Variants in FAM174B observed in about 807,000 individuals in gnomAD.
The protein encoded by FAM174B is membrane protein FAM174B.
In FAM174B, 12 loss-of-function variants were observed where a neutral mutation model predicts 10.9. The observed-to-expected ratio is 1.10, with a 90% CI of 0.71 to 1.79. The LOEUF is 1.79. Among genes scored for constraint, FAM174B ranks in the 40% most tolerant of loss-of-function variants. The probability of loss-of-function intolerance (pLI) is 0.00; values close to 1 mark genes in which losing one functional copy is unlikely to be tolerated. For synonymous variants in FAM174B, 132 were observed against 115.8 expected, an observed-to-expected ratio of 1.14 and a Z score of -0.90; for missense variants, 266 against 233.3, an observed-to-expected ratio of 1.14 and a Z score of -0.91.
intron 1 of FAM174B, among the ~76,000 whole-genome samples, chr15:92,634,863 C>G (rs1412637840): frequency 6.6e-6 from 1 of 152,184 alleles, no homozygotes; most frequent in Non-Finnish European, 1.5e-5. Context: ...AAAAACACAG[C>G]TTTCCCTCAA....
chr15:92,623,670 C>T (rs56401526), intron 2 of FAM174B, among the ~76,000 whole-genome samples: 12,330 of 152,228 alleles, frequency 0.081, 790 homozygotes, highest in African/African-American at 0.17. Flanking sequence ...CAGCTGACGT[C>T]TCAGTGCAGC....
chr15:92,636,591 G>A (rs554443511), intron 1 of FAM174B, among the ~76,000 whole-genome samples: 60 of 152,250 alleles, frequency 3.9e-4, no homozygotes, highest in African/African-American at 1.2e-3. Context: ...TGAAAGTGCC[G>A]CACAACTACC....
intron 1 of FAM174B, among the ~76,000 whole-genome samples, chr15:92,630,713 T>C (rs1269010506): frequency 2.3e-5 from 3 of 130,672 alleles, no homozygotes; most frequent in Admixed American, 8.2e-5. Flanking sequence ...TATATAATTA[T>C]ATATTTTTTA....
At chr15:92,653,917 T>C (rs2050983737) in intron 1 of FAM174B, among the ~76,000 whole-genome samples, 1 of 152,130 alleles carries the variant, frequency 6.6e-6, no homozygotes, top group Non-Finnish European at 1.5e-5. Context: ...CATGCCTAGG[T>C]AGTGGCCACA....
At chr15:92,625,285 A>C (rs536635135) in intron 2 of FAM174B, among the ~76,000 whole-genome samples, 4 of 152,302 alleles carry the variant, frequency 2.6e-5, no homozygotes, top group African/African-American at 7.2e-5. Flanking sequence ...ACAGGCTCTA[A>C]GTCACAAGAT....
intron 2 of FAM174B, among the ~76,000 whole-genome samples, chr15:92,621,071 TC>T (rs1300014007): frequency 6.6e-6 from 1 of 152,164 alleles, no homozygotes; most frequent in Admixed American, 6.5e-5. Flanking sequence ...GATGTAAACA[TC>T]CTATTTTTAG....
chr15:92,642,798 ATT>A (rs1346504302), intron 1 of FAM174B, among the ~76,000 whole-genome samples: 6 of 152,198 alleles, frequency 3.9e-5, no homozygotes, highest in Non-Finnish European at 7.3e-5. Context: ...ATATCTATCT[ATT>A]GATGAATGGG....
At chr15:92,626,395 C>A (rs946550548) in intron 2 of FAM174B, among the ~76,000 whole-genome samples, 1 of 151,996 alleles carries the variant, frequency 6.6e-6, no homozygotes, top group Non-Finnish European at 1.5e-5. Context: ...CCGCACCCAG[C>A]CAGTTGCTGG....
rs1050283577 is a variant in FAM174B, at chr15:92,618,925, C to T, written c.*531G>A. On this transcript the variant is annotated 3_prime_UTR_variant, in exon 3 of 3. Coordinates refer to ENST00000327355, the MANE Select transcript of FAM174B (RefSeq NM_207446.3). ...GCTGACCAGCTCTAAGCACATCCAC[C>T]TTGAACTCTGACACAGGTAACGCCA... 9 of 514,784 alleles carry T rather than the reference C, an allele frequency of 1.7e-5. No individual in the cohort carries two copies. The Admixed American group carries it at 3.0e-4, about 17-fold the overall frequency. 31.9% of individuals were successfully genotyped at this position (514,784 alleles called of 1,614,324 possible).
Position 92,618,875 on chromosome 15 carries a change from A to C in FAM174B, c.*581T>G. On this transcript the variant is annotated 3_prime_UTR_variant, in exon 3 of 3. Transcript: ENST00000327355. Reference sequence around the variant, plus strand: ...AAAAAAGGAAGAAAGAAAAGGAGCCACAGACGTGTCCAGGTCTGGAAGGGG... The same window carrying C: ...AAAAAAGGAAGAAAGAAAAGGAGCCCCAGACGTGTCCAGGTCTGGAAGGGG... 2 of 239,706 alleles carry C rather than the reference A, an allele frequency of 8.3e-6. No homozygotes were observed. The allele number at this position is 239,706 out of a possible 1,614,324, so 14.8% of individuals were successfully genotyped here. A position where few individuals can be genotyped will look rare whatever the true frequency, so the allele number is the denominator to read the frequency against.
At chr15:92,650,492 T>G (rs926057354) in intron 1 of FAM174B, among the ~76,000 whole-genome samples, 1 of 152,170 alleles carries the variant, frequency 6.6e-6, no homozygotes, top group Non-Finnish European at 1.5e-5. Context: ...GCCTGCACCG[T>G]GGAGTTCGGA....
chr15:92,626,659 A>C (rs2050755078), intron 2 of FAM174B, among the ~76,000 whole-genome samples: 1 of 152,054 alleles, frequency 6.6e-6, no homozygotes, highest in Non-Finnish European at 1.5e-5. Context: ...GGAAACTTAT[A>C]CAGAGGGATT....
chr15:92,629,777 G>A (rs2050778403), intron 2 of FAM174B, among the ~76,000 whole-genome samples: 1 of 152,126 alleles, frequency 6.6e-6, no homozygotes, highest in Non-Finnish European at 1.5e-5. Flanking sequence ...TGTTGTGGGA[G>A]GGACTCGGTA....
intron 1 of FAM174B, chr15:92,655,022 G>C: frequency 3.7e-6 from 1 of 271,476 alleles, no homozygotes; most frequent in Non-Finnish European, 6.8e-6. Flanking sequence ...TCAGAATTCA[G>C]AGCGCTATTG....
chr15:92,653,421 A>T (rs1259795331), intron 1 of FAM174B, among the ~76,000 whole-genome samples: 1 of 152,214 alleles, frequency 6.6e-6, no homozygotes, highest in East Asian at 1.9e-4. Flanking sequence ...TCCAGGGCCT[A>T]TTTTGAGCTA....
intron 1 of FAM174B, among the ~76,000 whole-genome samples, chr15:92,650,660 T>C (rs145371031): frequency 6.6e-6 from 1 of 152,196 alleles, no homozygotes; most frequent in South Asian, 2.1e-4. Context: ...TCTGAGTGAA[T>C]GTAGGGGGCA....
chr15:92,617,811 A>G lies in FAM174B; in HGVS notation c.*1645T>C. ...CCCTCTGGCAAACAGATGGGGGAAA[A>G]CAGAGAAGGAAAGTCAACAAAGAAG... On this transcript the variant is annotated 3_prime_UTR_variant, in exon 3 of 3. Coordinates refer to ENST00000327355, the MANE Select transcript of FAM174B (RefSeq NM_207446.3). 1.9e-6 allele frequency: 1 copy of G among 513,532 alleles called. No homozygotes were observed. The highest frequency in any genetic ancestry group is 3.4e-6 in the Non-Finnish European group (1 of 292,702). The allele number at this position is 513,532 out of a possible 1,614,324, so 31.8% of individuals were successfully genotyped here.
At chr15:92,623,011 C>T (rs908759977) in intron 2 of FAM174B, among the ~76,000 whole-genome samples, 1 of 152,070 alleles carries the variant, frequency 6.6e-6, no homozygotes, top group African/African-American at 2.4e-5. Context: ...TAAAAATTAG[C>T]TGGGCGTGGT....
At chr15:92,648,944 G>A (rs2050946878) in intron 1 of FAM174B, among the ~76,000 whole-genome samples, 1 of 152,178 alleles carries the variant, frequency 6.6e-6, no homozygotes, top group African/African-American at 2.4e-5. Flanking sequence ...TTTGCAAATG[G>A]TTAGACCCAA....
Sources: allele counts gnomAD v4.1 joint callset (sites outside exome capture counted in the v4.1 genomes callset), GRCh38; gene constraint gnomAD v4.1.1; transcripts MANE v1.5; gene names NCBI Gene and HGNC (gene_info 2026-07-23, HGNC 2026-07-21).